ADAMTSL5: variants seen among roughly 807,000 people sequenced by gnomAD.
ADAMTSL5 encodes ADAMTS-like protein 5.
A neutral mutation model predicts 51.7 loss-of-function variants in ADAMTSL5; 53 were observed. The observed-to-expected ratio is 1.03, with a 90% CI of 0.82 to 1.29. The LOEUF (loss-of-function observed/expected upper bound fraction) is 1.29, where lower values mean the gene tolerates loss of function less well. ADAMTSL5 is among the 50% of genes most tolerant of loss of function. The probability of loss-of-function intolerance (pLI) is 0.00; values close to 1 mark genes in which losing one functional copy is unlikely to be tolerated. For missense variants in ADAMTSL5, 770 were observed against 676.2 expected, an observed-to-expected ratio of 1.14 and a Z score of -1.54; for synonymous variants, 285 against 278.7, an observed-to-expected ratio of 1.02 and a Z score of -0.23.
rs1225579121 is a variant in ADAMTSL5, at chr19:1,506,568, G to A, written c.1114+22C>T. 1 of 1,608,178 alleles carries A rather than the reference G, an allele frequency of 6.2e-7. No homozygotes were observed. The highest frequency in any genetic ancestry group is 8.5e-7 in the Non-Finnish European group (1 of 1,177,962). ...GGCCAGGTTAGTAGGGGCTAAGTCA[G>A]GGTAGAGGTCGGGGGTCTCACCAAA... On this transcript the variant is annotated intron_variant, in intron 11 of 11. Transcript: ENST00000330475. The surrounding 1 kb of genome is among the most constrained non-coding windows in gnomAD (Gnocchi z 5.6).
Position 1,506,790 on chromosome 19 carries a change from G to A in ADAMTSL5, c.991C>T (p.Pro331Ser), listed in dbSNP as rs779014328. ...QPQPRGVEPQ[P>S]PAAPAVTPAQ... ...GGGGTGACAGCAGGGGCTGCGGGGG[G>A]CTGAGGCTCCACCCCCCGGGGCTGA... Residue 331 changes from proline (P) to serine (S), a missense_variant, in exon 10 of 12, where the codon CCC (proline) becomes TCC (serine). Coordinates refer to ENST00000330475, the MANE Select transcript of ADAMTSL5 (RefSeq NM_213604.3). This position sits in a 1 kb window ranked among gnomAD's most constrained non-coding sequence, Gnocchi z 5.6. The A allele has an allele frequency of 1.4e-5, 21 of 1,541,976 alleles. No individual in the cohort carries two copies. The highest frequency in any genetic ancestry group is 1.7e-5 in the Non-Finnish European group (19 of 1,144,928).
intron 1 of ADAMTSL5, among the ~76,000 whole-genome samples, 162 bp downstream of exon 1, chr19:1,512,789 TGGGGGGCTACAA>T (rs915026323): frequency 2.6e-5 from 4 of 151,504 alleles, no homozygotes; most frequent in Non-Finnish European, 5.9e-5. Flanking sequence ...TGGTGAAAAG[TGGGGGGCTACAA>T]GGACCACCCT....
At chr19:1,508,704 GAGGCAGAGCC>G (rs1272126816) in intron 5 of ADAMTSL5, 134 bp from the exon 6 acceptor site, 1 of 1,298,962 alleles carries the variant, frequency 7.7e-7, no homozygotes, top group African/African-American at 1.5e-5. Flanking sequence ...CATCGAGGCT[GAGGCAGAGCC>G]AGGACTGGAC....
intron 6 of ADAMTSL5, 149 bp from the exon 7 acceptor site, chr19:1,508,258 G>C: frequency 8.3e-7 from 1 of 1,210,756 alleles, no homozygotes; most frequent in South Asian, 1.6e-5. Flanking sequence ...GAGGAGGATG[G>C]GCTTGGCGCC....
At position 1,506,863 on chromosome 19, in the gene ADAMTSL5, G is replaced by C; in HGVS notation, c.918C>G (p.Ser306Arg). 6.5e-7 allele frequency: 1 copy of C among 1,548,194 alleles called. No individual in the cohort carries two copies. The highest frequency in any genetic ancestry group is 8.7e-7 in the Non-Finnish European group (1 of 1,146,002). The change falls in exon 10 of 12, where the codon AGC (serine) becomes AGG (arginine). Residue 306 changes from serine to arginine, a missense_variant. Coordinates refer to ENST00000330475, the MANE Select transcript of ADAMTSL5 (RefSeq NM_213604.3). The surrounding 1 kb of genome is among the most constrained non-coding windows in gnomAD (Gnocchi z 5.6). Reference sequence around the variant, plus strand: ...GGGCCTGCACACGAGCCTGGAAGGGGCTGTAGCGCTCCCGAGGGAGCCAGA... The same window carrying C: ...GGGCCTGCACACGAGCCTGGAAGGGCCTGTAGCGCTCCCGAGGGAGCCAGA... ...FEFWLPRERY[S>R]PFQARVQALG...
At position 1,506,476 on chromosome 19, in the gene ADAMTSL5, A is replaced by C; in HGVS notation, c.1114+114T>G. 1 of 1,472,272 alleles carries C rather than the reference A, an allele frequency of 6.8e-7. No individual in the cohort carries two copies. The highest frequency in any genetic ancestry group is 9.3e-7 in the Non-Finnish European group (1 of 1,072,820). 91.2% of individuals were successfully genotyped at this position (1,472,272 alleles called of 1,614,324 possible). ...AGGGATCAATGAGGGATTAGGGTCA[A>C]GAGGCAAATTAGGATCAGAAGAAGG... On this transcript the variant is annotated intron_variant, in intron 11 of 11. Coordinates refer to ENST00000330475, the MANE Select transcript of ADAMTSL5 (RefSeq NM_213604.3). The surrounding 1 kb of genome is among the most constrained non-coding windows in gnomAD (Gnocchi z 5.6).
intron 5 of ADAMTSL5, chr19:1,509,090 A>C (rs900139975): frequency 6.6e-6 from 1 of 152,026 alleles, no homozygotes; most frequent in East Asian, 1.9e-4. Flanking sequence ...TCTACCAAAA[A>C]TACAACAATA....
At position 1,509,254 on chromosome 19, in the gene ADAMTSL5, CAAAAAAAA is replaced by C. The variant is rs753778097; in HGVS notation, c.362-692_362-685del. On this transcript the variant is annotated intron_variant, in intron 5 of 11. Transcript: ENST00000330475. ...TGGGTGACAGAGCGAGACTCCATCT[CAAAAAAAA>C]AAAAAAAAAAAAAAAAAGAAGATCT... Among the ~76,000 whole-genome samples, 20 of 49,552 alleles carry C rather than the reference CAAAAAAAA, an allele frequency of 4.0e-4. No individual in the cohort carries two copies. In the East Asian group the frequency reaches 0.01, roughly 26 times the overall value. 32.5% of individuals were successfully genotyped at this position (49,552 alleles called of 152,430 possible). A position where few individuals can be genotyped will look rare whatever the true frequency, so the allele number is the denominator to read the frequency against.
At position 1,506,449 on chromosome 19, in the gene ADAMTSL5, T is replaced by A. The variant is rs75714435; in HGVS notation, c.1115-133A>T. On this transcript the variant is annotated intron_variant, in intron 11 of 11. Coordinates refer to ENST00000330475, the MANE Select transcript of ADAMTSL5 (RefSeq NM_213604.3). The surrounding 1 kb of genome is among the most constrained non-coding windows in gnomAD (Gnocchi z 5.6). ...TATAGGGACTAGAGTCAGGATCACGTCAGGGATCAATGAGGGATTAGGGTC... is the reference window on the plus strand; with the variant it reads ...TATAGGGACTAGAGTCAGGATCACGACAGGGATCAATGAGGGATTAGGGTC... 0.052 allele frequency: 75,180 copies of A among 1,449,522 alleles called. 2,940 individuals are homozygous for A. Among genetic ancestry groups the A allele is most frequent in the African/African-American group, 0.2 (13,902 of 71,082 alleles). 89.8% of individuals were successfully genotyped at this position (1,449,522 alleles called of 1,614,324 possible).
At chr19:1,507,966 GT>G (rs754466788) in intron 7 of ADAMTSL5, 31 bp downstream of exon 7, 252 of 1,558,348 alleles carry the variant, frequency 1.6e-4, no homozygotes, top group Non-Finnish European at 2.1e-4. Context: ...CCACTCTGAC[GT>G]GTGTGCAGGG....
intron 1 of ADAMTSL5, among the ~76,000 whole-genome samples, chr19:1,512,278 C>T (rs1330606712): frequency 6.6e-6 from 1 of 152,212 alleles, no homozygotes; most frequent in Non-Finnish European, 1.5e-5. Flanking sequence ...TCCTGGGTAT[C>T]TCTAGGTACT....
chr19:1,507,886 AG>A (rs202111135), intron 7 of ADAMTSL5, 111 bp downstream of exon 7: 9 of 1,236,092 alleles, frequency 7.3e-6, no homozygotes, highest in Admixed American at 2.1e-5. Flanking sequence ...ATGAGGAGAA[AG>A]GGGGGCTGGG....
rs561655684 is a variant in ADAMTSL5 at position 1,506,077 on chromosome 19, G to A, written c.1354C>T (p.Arg452Trp). Residue 452 changes from arginine (R) to tryptophan (W), a missense_variant, in exon 12 of 12, where the codon CGG becomes TGG. Coordinates refer to ENST00000330475, the MANE Select transcript of ADAMTSL5 (RefSeq NM_213604.3). The surrounding 1 kb of genome is among the most constrained non-coding windows in gnomAD (Gnocchi z 5.6). The part of the protein sequence containing the change: ...QLLLPHAGYA[R>W]PWSPAEDSRI... The stretch of plus-strand genomic sequence containing the variant: ...CTGTCCTCCGCAGGGCTCCAGGGCC[G>A]GGCGTAGCCGGCGTGGGGCAGCAGC... 1.5e-5 allele frequency: 24 copies of A among 1,598,094 alleles called. No homozygotes were observed. The highest frequency in any genetic ancestry group is 1.7e-4 in the Middle Eastern group (1 of 5,780).
intron 5 of ADAMTSL5, among the ~76,000 whole-genome samples, chr19:1,509,187 G>A (rs1913119914): frequency 6.7e-6 from 1 of 149,742 alleles, no homozygotes; most frequent in African/African-American, 2.5e-5. Context: ...CCAGGGAGGT[G>A]GAGGCTGTAG....
intron 5 of ADAMTSL5, 125 bp from the exon 6 acceptor site, chr19:1,508,695 A>T: frequency 7.5e-7 from 1 of 1,338,252 alleles, no homozygotes; most frequent in South Asian, 1.6e-5. Flanking sequence ...AAAGCCACAC[A>T]TCGAGGCTGA....
rs976095412 is a variant in ADAMTSL5, at chr19:1,508,444, A to T, written c.488T>A (p.Leu163His). 1.3e-6 allele frequency: 2 copies of T among 1,551,758 alleles called. No homozygotes were observed. The highest frequency in any genetic ancestry group is 1.7e-6 in the Non-Finnish European group (2 of 1,154,848). ...AQGVCVAGRCLSAGCDGLLGS... is the reference protein window; with the variant it reads ...AQGVCVAGRCHSAGCDGLLGS... ...GGGCGGGGCCTGACGAGTCCTTACA[A>T]GGCAGCGGCCAGCCACGCAGACCCC... is the stretch of plus-strand genomic sequence containing the variant. Residue 163 changes from leucine to histidine, a missense_variant and splice_region_variant, in exon 6 of 12, where the codon CTT becomes CAT. Transcript: ENST00000330475.
At position 1,505,872 on chromosome 19, in the gene ADAMTSL5, G is replaced by T; in HGVS notation, c.*143C>A. 1 of 1,082,986 alleles carries T rather than the reference G, an allele frequency of 9.2e-7. No individual in the cohort carries two copies. Among genetic ancestry groups the T allele is most frequent in the African/African-American group, 1.6e-5 (1 of 62,260 alleles). 67.1% of individuals were successfully genotyped at this position (1,082,986 alleles called of 1,614,324 possible). A position where few individuals can be genotyped will look rare whatever the true frequency, so the allele number is the denominator to read the frequency against. ...CTGCATGCAGAGGTGTCTTAAGCGT[G>T]TGTGGGAGGGAGTCACATAGCTGCA... On this transcript the variant is annotated 3_prime_UTR_variant, in exon 12 of 12. Coordinates refer to ENST00000330475, the MANE Select transcript of ADAMTSL5 (RefSeq NM_213604.3).
intron 1 of ADAMTSL5, 94 bp downstream of exon 1, chr19:1,512,869 G>T (rs1480973458): frequency 2.0e-5 from 3 of 152,418 alleles, no homozygotes; most frequent in Non-Finnish European, 1.5e-5. Context: ...CGTGTGGGCT[G>T]CAGCCCGGAC....
At chr19:1,507,875 G>T in intron 7 of ADAMTSL5, 123 bp downstream of exon 7, 1 of 1,157,734 alleles carries the variant, frequency 8.6e-7, no homozygotes, top group Non-Finnish European at 1.2e-6. Context: ...AGCCAATCAG[G>T]ATGAGGAGAA....
Sources: gnomAD v4.1 joint callset for allele counts (sites outside exome capture counted in the v4.1 genomes callset) on GRCh38, gnomAD v4.1.1 for gene constraint, Gnocchi (gnomAD v3.1) non-coding constraint, MANE v1.5 for transcripts, NCBI Gene and HGNC (gene_info 2026-07-23, HGNC 2026-07-21) for gene names.